LNX2: variants seen among roughly 807,000 people sequenced by gnomAD.
The protein encoded by LNX2 is ligand of Numb protein X 2.
LNX2 carries 35 observed loss-of-function variants against 66.2 expected under a neutral mutation model. The ratio of observed to expected loss-of-function variants is 0.53; its 90% CI spans 0.40 to 0.70. The LOEUF is 0.70. LNX2 is among the 30% of genes least tolerant of loss of function. The pLI is 0.00. For synonymous variants in LNX2, 337 were observed against 315.6 expected, an observed-to-expected ratio of 1.07 and a Z score of -0.72; for missense variants, 791 against 850.8, an observed-to-expected ratio of 0.93 and a Z score of 0.87.
At chr13:27,587,956 G>C (rs1473465682) in intron 1 of LNX2, among the ~76,000 whole-genome samples, 1 of 146,046 alleles carries the variant, frequency 6.8e-6, no homozygotes, top group Non-Finnish European at 1.5e-5. Context: ...TGGAGGCAGA[G>C]CTTGCAGTAA....
chr13:27,553,450 G>A lies in LNX2; in HGVS notation c.1547-11C>T, dbSNP rs1422171432. ...TTAGCAACACATCACCTGTTCAGATGAAGAAACAAGAAAAATGAGCTGAGC... is the reference window on the plus strand; with the variant it reads ...TTAGCAACACATCACCTGTTCAGATAAAGAAACAAGAAAAATGAGCTGAGC... On this transcript the variant is annotated splice_polypyrimidine_tract_variant and intron_variant, in intron 7 of 9. Coordinates refer to ENST00000316334, the MANE Select transcript of LNX2 (RefSeq NM_153371.4). The A allele has an allele frequency of 6.2e-7, 1 of 1,600,396 alleles. No homozygotes were observed. Among genetic ancestry groups the A allele is most frequent in the African/African-American group, 1.3e-5 (1 of 74,612 alleles).
chr13:27,581,287 T>G lies in LNX2; in HGVS notation c.407+10A>C. 2 of 1,466,818 alleles carry G rather than the reference T, an allele frequency of 1.4e-6. No individual in the cohort carries two copies. Among genetic ancestry groups the G allele is most frequent in the Non-Finnish European group, 1.8e-6 (2 of 1,105,996 alleles). 90.9% of individuals were successfully genotyped at this position (1,466,818 alleles called of 1,614,324 possible). A position where few individuals can be genotyped will look rare whatever the true frequency, so the allele number is the denominator to read the frequency against. On this transcript the variant is annotated intron_variant, in intron 2 of 9. Transcript: ENST00000316334. Reference sequence around the variant, plus strand: ...AATCTGGAGTTACTTCTTTTATATTTTTTGCTTACCTGTTTTTGAGATGTG... The same window carrying G: ...AATCTGGAGTTACTTCTTTTATATTGTTTGCTTACCTGTTTTTGAGATGTG...
intron 1 of LNX2, among the ~76,000 whole-genome samples, chr13:27,597,929 A>G (rs772789163): frequency 8.5e-5 from 13 of 152,172 alleles, no homozygotes; most frequent in Non-Finnish European, 1.5e-4. Context: ...TCTCATAAAT[A>G]TAAGAATTTC....
intron 1 of LNX2, among the ~76,000 whole-genome samples, chr13:27,587,220 C>G (rs1955496838): frequency 6.6e-6 from 1 of 152,140 alleles, no homozygotes; most frequent in African/African-American, 2.4e-5. Context: ...CCTCTCAAGT[C>G]CCCCTGGCCC....
chr13:27,567,906 A>T, intron 3 of LNX2, 67 bp from the exon 4 acceptor site: 1 of 1,273,550 alleles, frequency 7.9e-7, no homozygotes, highest in Non-Finnish European at 1.1e-6. Flanking sequence ...AACAATTTAT[A>T]TTCTGATTAT....
chr13:27,613,007 C>G (rs1018906558), intron 1 of LNX2, among the ~76,000 whole-genome samples: 4 of 152,108 alleles, frequency 2.6e-5, no homozygotes, highest in African/African-American at 9.7e-5. Flanking sequence ...GCTAAACAAA[C>G]GTTTACAAAT....
At chr13:27,587,294 C>G (rs190179421) in intron 1 of LNX2, among the ~76,000 whole-genome samples, 2 of 152,272 alleles carry the variant, frequency 1.3e-5, no homozygotes, top group African/African-American at 2.4e-5. Context: ...CGCTCCCCCC[C>G]TTCCCTTCTG....
intron 1 of LNX2, among the ~76,000 whole-genome samples, chr13:27,597,448 TA>T (rs1168042924): frequency 2.6e-5 from 4 of 152,148 alleles, no homozygotes; most frequent in Admixed American, 2.6e-4. Context: ...ACAACAGCTT[TA>T]AAAATTGATA....
chr13:27,586,291 T>TC (rs1351211711), intron 1 of LNX2, among the ~76,000 whole-genome samples: 26 of 152,230 alleles, frequency 1.7e-4, no homozygotes, highest in Admixed American at 1.7e-3. Flanking sequence ...ATAAACCCAT[T>TC]CCTTCTGGCT....
At chr13:27,561,934 T>C (rs1056099489) in intron 5 of LNX2, among the ~76,000 whole-genome samples, 3 of 152,234 alleles carry the variant, frequency 2.0e-5, no homozygotes, top group African/African-American at 7.2e-5. Context: ...AATTTTATCA[T>C]GTATTTTAAA....
At chr13:27,582,966 A>G (rs1273550050) in intron 1 of LNX2, among the ~76,000 whole-genome samples, 1 of 152,150 alleles carries the variant, frequency 6.6e-6, no homozygotes, top group East Asian at 1.9e-4. Flanking sequence ...TACTCTCTCC[A>G]TATGTCACAC....
At position 27,572,500 on chromosome 13, in the gene LNX2, G is replaced by A. The variant is rs970066005; in HGVS notation, c.408-3224C>T. Among the ~76,000 whole-genome samples the A allele has an allele frequency of 1.8e-4, 28 of 152,214 alleles. 1 individual carries two copies. The highest frequency in any genetic ancestry group is 1.6e-4 in the Non-Finnish European group (11 of 68,032). The stretch of plus-strand genomic sequence containing the variant: ...TGAGGGCTGCACCTCCTGAGGGAGG[G>A]ATCTGTACATGTAGGTGTGTTTTTT... On this transcript the variant is annotated intron_variant, in intron 2 of 9. Transcript: ENST00000316334.
intron 4 of LNX2, among the ~76,000 whole-genome samples, chr13:27,564,761 C>T (rs928202254): frequency 2.6e-5 from 4 of 152,120 alleles, no homozygotes; most frequent in Non-Finnish European, 5.9e-5. Flanking sequence ...ACTGCCTCTT[C>T]GAGATTTTCA....
chr13:27,560,043 A>G (rs1955112177), intron 5 of LNX2, 58 bp from the exon 6 acceptor site: 2 of 1,423,122 alleles, frequency 1.4e-6, no homozygotes, highest in South Asian at 3.0e-5. Context: ...CATTTTAAAG[A>G]TTACACACAG....
chr13:27,586,166 T>C (rs1955484698), intron 1 of LNX2, among the ~76,000 whole-genome samples: 1 of 151,518 alleles, frequency 6.6e-6, no homozygotes, highest in African/African-American at 2.4e-5. Context: ...TGGCAAATCA[T>C]AGGTGCAATG....
intron 1 of LNX2, among the ~76,000 whole-genome samples, chr13:27,608,724 A>G (rs776196514): frequency 9.2e-5 from 14 of 152,186 alleles, no homozygotes; most frequent in Non-Finnish European, 1.8e-4. Context: ...ACTTTTAAGA[A>G]TATTAAGCTT....
chr13:27,585,291 G>A (rs908974402), intron 1 of LNX2, among the ~76,000 whole-genome samples: 8 of 151,678 alleles, frequency 5.3e-5, no homozygotes, highest in South Asian at 2.1e-4. Context: ...GTGTGGTGGC[G>A]GGCGCCTGTA....
chr13:27,570,209 A>G (rs781745273), intron 2 of LNX2, among the ~76,000 whole-genome samples: 1 of 152,172 alleles, frequency 6.6e-6, no homozygotes, highest in Non-Finnish European at 1.5e-5. Context: ...CCTGAGGCCT[A>G]CCACGACTCT....
intron 6 of LNX2, 98 bp from the exon 7 acceptor site, chr13:27,556,511 T>C (rs1185405691): frequency 3.0e-6 from 3 of 992,150 alleles, no homozygotes; most frequent in Non-Finnish European, 4.5e-6. Context: ...ATGGCATTTA[T>C]AAAGTAATTA....
Sources: gnomAD v4.1 joint callset for allele counts (sites outside exome capture counted in the v4.1 genomes callset) on GRCh38, gnomAD v4.1.1 for gene constraint, MANE v1.5 for transcripts, NCBI Gene and HGNC (gene_info 2026-07-23, HGNC 2026-07-21) for gene names.